PHF3: variants seen among roughly 807,000 people sequenced by gnomAD.
The protein encoded by PHF3 is PHD finger protein 3.
Under a neutral mutation model 178.4 loss-of-function variants are expected in PHF3, and 41 were observed. The observed-to-expected ratio is 0.23, with a 90% CI of 0.18 to 0.30. PHF3 has a LOEUF of 0.30. Among genes scored for constraint, PHF3 ranks in the 10% least tolerant of loss-of-function variants. The pLI is 1.00. For missense variants in PHF3, 2,346 were observed against 2,398.1 expected (o/e 0.98, Z 0.45); for synonymous variants, 842 against 800.5 (o/e 1.05, Z -0.88).
At chr6:63,699,740 G>A (rs1029397998) in intron 8 of PHF3, among the ~76,000 whole-genome samples, 1 of 152,000 alleles carries the variant, frequency 6.6e-6, no homozygotes, top group Non-Finnish European at 1.5e-5. Flanking sequence ...ACAGGCACAC[G>A]CCGCCACGCC....
At chr6:63,677,975 C>G (rs2149575578) in intron 2 of PHF3, among the ~76,000 whole-genome samples, 1 of 152,180 alleles carries the variant, frequency 6.6e-6, no homozygotes, top group South Asian at 2.1e-4. Flanking sequence ...GTAATCCCAG[C>G]ACTTTGGGAG....
At chr6:63,648,198 CTGT>C (rs918170157) in intron 2 of PHF3, among the ~76,000 whole-genome samples, 13 of 152,028 alleles carry the variant, frequency 8.6e-5, no homozygotes, top group South Asian at 2.1e-4. Context: ...TTACATTGTT[CTGT>C]TGTTGTATTC....
rs535924062 is a variant in PHF3 at position 63,720,569 on chromosome 6, G to C, written c.*6861G>C. ...ATCAAAATAACTGCATTTATGTATA[G>C]TGTGTACTAAAATCTCTAGTGTTAA... On this transcript the variant is annotated 3_prime_UTR_variant, in exon 16 of 16. Coordinates refer to ENST00000262043, the MANE Select transcript of PHF3 (RefSeq NM_001370348.2). The C allele has an allele frequency of 8.8e-5, 125 of 1,417,870 alleles. 1 individual carries two copies. The South Asian group carries it at 1.9e-3, about 21-fold the overall frequency. The allele number at this position is 1,417,870 out of a possible 1,614,324, so 87.8% of individuals were successfully genotyped here.
At chr6:63,640,994 A>G (rs184982188) in intron 1 of PHF3, among the ~76,000 whole-genome samples, 1 of 152,338 alleles carries the variant, frequency 6.6e-6, no homozygotes, top group East Asian at 1.9e-4. Flanking sequence ...TCTGATTGAG[A>G]ATTATAGATA....
At chr6:63,637,258 A>G (rs1359007954) in intron 1 of PHF3, among the ~76,000 whole-genome samples, 7 of 152,178 alleles carry the variant, frequency 4.6e-5, no homozygotes, top group Admixed American at 1.3e-4. Context: ...ACGTTGTTGT[A>G]TTTAGTTACT....
chr6:63,636,010 G>A lies in PHF3; in HGVS notation c.-166G>A. ...GCCATTTGGTCCCAGGAGGAAAAGA[G>A]GCTGTGGCAGCGACGCCGACGTCCT... On this transcript the variant is annotated 5_prime_UTR_variant, in exon 1 of 16. Coordinates refer to ENST00000262043, the MANE Select transcript of PHF3 (RefSeq NM_001370348.2). The A allele has an allele frequency of 2.5e-6, 1 of 397,510 alleles. No homozygotes were observed. Among genetic ancestry groups the A allele is most frequent in the Non-Finnish European group, 4.4e-6 (1 of 225,346 alleles). The allele number at this position is 397,510 out of a possible 1,614,324, so 24.6% of individuals were successfully genotyped here. A position where few individuals can be genotyped will look rare whatever the true frequency, so the allele number is the denominator to read the frequency against.
At chr6:63,676,202 A>G (rs1266567037) in intron 2 of PHF3, among the ~76,000 whole-genome samples, 2 of 152,192 alleles carry the variant, frequency 1.3e-5, no homozygotes, top group African/African-American at 4.8e-5. Context: ...TCTTTTATTC[A>G]GCAAATATTT....
In PHF3 at chr6:63,684,471, C is replaced by G. The variant is rs770577100; in HGVS notation, c.749C>G (p.Ser250Cys). ...AATCCGGGAGAAATAGATGTGCCATCTCATGAATTAAATTGTTCACTTCTT... is the reference window on the plus strand; with the variant it reads ...AATCCGGGAGAAATAGATGTGCCATGTCATGAATTAAATTGTTCACTTCTT... ...CNNPGEIDVP[S>C]HELNCSLLSE... Residue 250 changes from serine to cysteine, a missense_variant, in exon 4 of 16, where the codon TCT becomes TGT. Physicochemically the swap from Ser to Cys is moderately radical, Grantham distance 112. This residue lies in a region of PHF3 where 843 missense variants were observed against 795.2 expected (regional missense o/e 1.06). Coordinates refer to ENST00000262043, the MANE Select transcript of PHF3 (RefSeq NM_001370348.2). 3 of 1,613,650 alleles carry G rather than the reference C, an allele frequency of 1.9e-6. No individual in the cohort carries two copies. Among genetic ancestry groups the G allele is most frequent in the Admixed American group, 1.7e-5 (1 of 60,014 alleles).
intron 2 of PHF3, among the ~76,000 whole-genome samples, chr6:63,671,834 A>T (rs1765929889): frequency 6.6e-6 from 1 of 152,072 alleles, no homozygotes; most frequent in African/African-American, 2.4e-5. Context: ...GGAACCTTCG[A>T]CTACCTGGTT....
chr6:63,686,447 C>G (rs1248274841), intron 4 of PHF3: 2 of 152,068 alleles, frequency 1.3e-5, no homozygotes, highest in African/African-American at 2.4e-5. Flanking sequence ...TTAGATTACC[C>G]AGGTCAACAT....
Position 63,721,276 on chromosome 6 carries a change from T to G in PHF3, c.*7568T>G. On this transcript the variant is annotated 3_prime_UTR_variant, in exon 16 of 16. Coordinates refer to ENST00000262043, the MANE Select transcript of PHF3 (RefSeq NM_001370348.2). ...CATAAAGATTGGTGGAGGCAAAGAT[T>G]ATTCAAACAGGACACAGACTGGTTA... 2 of 1,551,976 alleles carry G rather than the reference T, an allele frequency of 1.3e-6. No homozygotes were observed. Among genetic ancestry groups the G allele is most frequent in the Non-Finnish European group, 1.7e-6 (2 of 1,146,994 alleles).
chr6:63,645,623 C>CT (rs1764751891), intron 1 of PHF3, among the ~76,000 whole-genome samples: 1 of 152,082 alleles, frequency 6.6e-6, no homozygotes, highest in Admixed American at 6.6e-5. Flanking sequence ...TTAATATTAA[C>CT]TTTTTTCGGT....
At chr6:63,654,945 G>A (rs951983514) in intron 2 of PHF3, among the ~76,000 whole-genome samples, 1 of 147,266 alleles carries the variant, frequency 6.8e-6, no homozygotes, top group Middle Eastern at 3.3e-3. Context: ...CCAGGCTGGA[G>A]TGCAGTGGTA....
chr6:63,686,992 C>T (rs115046773), intron 4 of PHF3, among the ~76,000 whole-genome samples: 1,616 of 152,202 alleles, frequency 0.011, 25 homozygotes, highest in African/African-American at 0.037. Flanking sequence ...TGATCCAGCC[C>T]GTGGCCTATT....
chr6:63,698,054 T>G (rs1477519070), intron 6 of PHF3, among the ~76,000 whole-genome samples, 169 bp from the exon 7 acceptor site: 2 of 152,200 alleles, frequency 1.3e-5, no homozygotes, highest in African/African-American at 4.8e-5. Context: ...TTAGTCACTA[T>G]TCATTTTAAT....
intron 11 of PHF3, among the ~76,000 whole-genome samples, chr6:63,705,342 G>A (rs147490938): frequency 4.0e-4 from 61 of 152,250 alleles, no homozygotes; most frequent in African/African-American, 1.1e-3. Flanking sequence ...CTCAACCCCC[G>A]GGCCACAAAC....
chr6:63,707,893 A>T (rs1582118281), intron 13 of PHF3, among the ~76,000 whole-genome samples: 1 of 133,162 alleles, frequency 7.5e-6, no homozygotes, highest in Non-Finnish European at 1.7e-5. Context: ...TTTGAGACAG[A>T]GTCTGCCCTG....
At chr6:63,642,991 T>G (rs969765004) in intron 1 of PHF3, among the ~76,000 whole-genome samples, 1 of 152,148 alleles carries the variant, frequency 6.6e-6, no homozygotes, top group Admixed American at 6.5e-5. Flanking sequence ...GTATATACTC[T>G]TATCTAGTTT....
At chr6:63,679,690 G>A (rs1014403789) in intron 2 of PHF3, 1 of 387,528 alleles carries the variant, frequency 2.6e-6, no homozygotes, top group East Asian at 6.7e-5. Context: ...TCCAGGTATA[G>A]TCACCTATGT....
Sources: allele counts gnomAD v4.1 joint callset (sites outside exome capture counted in the v4.1 genomes callset), GRCh38; gene constraint gnomAD v4.1.1; regional missense constraint gnomAD v4.1.1; transcripts MANE v1.5; gene names NCBI Gene and HGNC (gene_info 2026-07-23, HGNC 2026-07-21).